The following FAT1 variants were observed in gnomAD, a reference collection of about 807,000 sequenced individuals.
The protein encoded by FAT1 is protocadherin Fat 1.
In FAT1, 171 loss-of-function variants were observed where a neutral mutation model predicts 329.8. The ratio of observed to expected loss-of-function variants is 0.52; its 90% CI spans 0.46 to 0.59. FAT1 has a LOEUF of 0.59. FAT1 is among the 20% of genes least tolerant of loss of function. FAT1 has a pLI of 0.00. For synonymous variants in FAT1, 2,233 were observed against 2,228.6 expected (o/e 1.00, Z -0.06); for missense variants, 5,672 against 5,774.4 (o/e 0.98, Z 0.57).
chr4:186,599,868 T>C (rs1738711309), intron 22 of FAT1, 30 bp downstream of exon 22: 1 of 1,551,190 alleles, frequency 6.4e-7, no homozygotes, highest in South Asian at 1.1e-5. Context: ...ACGTGCAGCA[T>C]TTTAAAGATG....
Position 186,598,101 on chromosome 4 carries a change from A to G in FAT1, c.12128T>C (p.Leu4043Ser). 6.2e-7 allele frequency: 1 copy of G among 1,611,250 alleles called. No homozygotes were observed. The highest frequency in any genetic ancestry group is 8.5e-7 in the Non-Finnish European group (1 of 1,179,294). The part of the protein sequence containing the change: ...AGGYYCKCSA[L>S]YIGTHCEISV... Reference sequence around the variant, plus strand: ...TATCTCACAGTGGGTCCCTATGTACAAGGCACTGCATTTGCAGTAATAACC... The same window carrying G: ...TATCTCACAGTGGGTCCCTATGTACGAGGCACTGCATTTGCAGTAATAACC... The change falls in exon 23 of 27, where the codon TTG becomes TCG. Residue 4043 changes from leucine to serine, a missense_variant. Physicochemically the swap from Leu to Ser is moderately radical, Grantham distance 145. This residue lies in a region of FAT1 where 1,706 missense variants were observed against 1,859.1 expected (regional missense o/e 0.92). Coordinates refer to ENST00000441802, the MANE Select transcript of FAT1 (RefSeq NM_005245.4).
chr4:186,590,419 T>TA (rs761215247), intron 26 of FAT1: 7 of 1,288,044 alleles, frequency 5.4e-6, no homozygotes, highest in Non-Finnish European at 7.1e-6. Context: ...GGTGGCAGAG[T>TA]AGAAAAAAAA....
At position 186,707,645 on chromosome 4, in the gene FAT1, T is replaced by C. The variant is rs2126690235; in HGVS notation, c.2183A>G (p.Glu728Gly). 6.2e-7 allele frequency: 1 copy of C among 1,613,986 alleles called. No homozygotes were observed. The highest frequency in any genetic ancestry group is 8.5e-7 in the Non-Finnish European group (1 of 1,179,892). Residue 728 changes from glutamate to glycine, a missense_variant, in exon 2 of 27, where the codon GAA becomes GGA. Coordinates refer to ENST00000441802, the MANE Select transcript of FAT1 (RefSeq NM_005245.4). ...STLPTGIQVK[E>G]NQPVGSSVIF... is the part of the protein sequence containing the mutation. ...TACACTGGAACCCACAGGCTGGTTT[T>C]CCTTTACCTGAATACCAGTCGGAAG...
intron 2 of FAT1, among the ~76,000 whole-genome samples, chr4:186,677,155 T>TTAAAAA (rs1235237354): frequency 6.6e-6 from 1 of 152,164 alleles, no homozygotes; most frequent in Admixed American, 6.5e-5. Flanking sequence ...TCTTTAAACT[T>TTAAAAA]TAAAAATTGC....
intron 26 of FAT1, among the ~76,000 whole-genome samples, chr4:186,593,469 T>C (rs577052517): frequency 2.8e-4 from 43 of 152,298 alleles, no homozygotes; most frequent in African/African-American, 1.0e-3. Flanking sequence ...AATATGTCAC[T>C]ATACATGGCA....
chr4:186,644,488 A>G (rs1202890569), intron 3 of FAT1, among the ~76,000 whole-genome samples: 1 of 152,034 alleles, frequency 6.6e-6, no homozygotes, highest in Non-Finnish European at 1.5e-5. Context: ...AGGTGGGCTG[A>G]GACAGCAGAC....
chr4:186,638,095 C>A (rs72716272), intron 4 of FAT1, among the ~76,000 whole-genome samples: 31,652 of 124,006 alleles, frequency 0.26, 3,934 homozygotes, highest in Non-Finnish European at 0.3. Context: ...CAGCTTTCAA[C>A]ATGTAATGGA....
chr4:186,597,852 A>G, intron 23 of FAT1, 60 bp from the exon 24 acceptor site: 1 of 1,576,754 alleles, frequency 6.3e-7, no homozygotes, highest in Non-Finnish European at 8.7e-7. Context: ...AAATACAGCA[A>G]AACAGAAAGC....
chr4:186,609,123 G>C, intron 16 of FAT1, 60 bp downstream of exon 16: 1 of 1,577,262 alleles, frequency 6.3e-7, no homozygotes, highest in South Asian at 1.2e-5. Context: ...AGAGCACAAG[G>C]CATTTCTAGT....
chr4:186,643,629 A>G (rs1234157820), intron 3 of FAT1, among the ~76,000 whole-genome samples: 3 of 152,100 alleles, frequency 2.0e-5, no homozygotes, highest in Non-Finnish European at 4.4e-5. Context: ...TGTCTTTTCG[A>G]GGTGCGCTTT....
chr4:186,642,930 G>C (rs1316516615), intron 3 of FAT1, among the ~76,000 whole-genome samples: 1 of 152,194 alleles, frequency 6.6e-6, no homozygotes, highest in Non-Finnish European at 1.5e-5. Flanking sequence ...TACTTTGGAG[G>C]AGCCTGGAAG....
chr4:186,635,945 T>G, intron 6 of FAT1, 80 bp downstream of exon 6: 1 of 1,230,970 alleles, frequency 8.1e-7, no homozygotes, highest in Non-Finnish European at 1.2e-6. Flanking sequence ...TCCTGACTTG[T>G]GCCCAAAACT....
chr4:186,709,627 C>G lies in FAT1; in HGVS notation c.201G>C (p.Ala67=), dbSNP rs761403385. 7 of 1,613,978 alleles carry G rather than the reference C, an allele frequency of 4.3e-6. No individual in the cohort carries two copies. Among genetic ancestry groups the G allele is most frequent in the East Asian group, 2.2e-5 (1 of 44,878 alleles). ...AAACAATTTTGTACCTTACTTCCCA[C>G]GCTGGATGTGTAATGTAAACACCCA... ...VKMGVYITHP[A]WEVRYKIVSG... is the part of the protein sequence containing the mutation. The change falls in exon 2 of 27, where the codon GCG becomes GCC. Residue 67 remains alanine (A), a synonymous_variant. Coordinates refer to ENST00000441802, the MANE Select transcript of FAT1 (RefSeq NM_005245.4).
At chr4:186,695,252 T>A (rs1012774177) in intron 2 of FAT1, among the ~76,000 whole-genome samples, 1 of 152,212 alleles carries the variant, frequency 6.6e-6, no homozygotes. Flanking sequence ...CAGAGGATGA[T>A]ACAGGCAATA....
At chr4:186,604,266 G>A in intron 18 of FAT1, 111 bp downstream of exon 18, 6 of 926,736 alleles carry the variant, frequency 6.5e-6, no homozygotes, top group East Asian at 2.5e-5. Flanking sequence ...GCAATTCTAT[G>A]AAAGTTTGTT....
chr4:186,603,570 C>A lies in FAT1; in HGVS notation c.10956G>T (p.Pro3652=), dbSNP rs369649020. ...GCCAGTAGTCACCAACGAATTCTTC[C>A]GGAGTGAGGTTGGCAAAGCGGATCG... The part of the protein sequence containing the change: ...TIAIRFANLT[P]EEFVGDYWRN... Residue 3652 remains proline (P), a synonymous_variant, in exon 19 of 27, where the codon CCG becomes CCT. Transcript: ENST00000441802. 6.2e-7 allele frequency: 1 copy of A among 1,613,956 alleles called. No individual in the cohort carries two copies. The highest frequency in any genetic ancestry group is 1.7e-5 in the Admixed American group (1 of 60,028).
intron 13 of FAT1, among the ~76,000 whole-genome samples, chr4:186,612,697 A>G (rs1739502637): frequency 1.3e-5 from 2 of 152,222 alleles, no homozygotes; most frequent in Non-Finnish European, 2.9e-5. Flanking sequence ...CTACAAATAT[A>G]CATTCTATAG....
chr4:186,654,691 T>A (rs1399989709), intron 3 of FAT1, among the ~76,000 whole-genome samples: 1 of 152,028 alleles, frequency 6.6e-6, no homozygotes, highest in Non-Finnish European at 1.5e-5. Flanking sequence ...GGGAGGATTG[T>A]TTGAGATCAG....
intron 1 of FAT1, among the ~76,000 whole-genome samples, chr4:186,719,644 T>A (rs1215656678): frequency 1.3e-5 from 2 of 152,210 alleles, no homozygotes; most frequent in Non-Finnish European, 2.9e-5. Flanking sequence ...ACTAATCAAC[T>A]GTGTGAATTC....
Sources: allele counts gnomAD v4.1 joint callset (sites outside exome capture counted in the v4.1 genomes callset), GRCh38; gene constraint gnomAD v4.1.1; regional missense constraint gnomAD v4.1.1; transcripts MANE v1.5; gene names NCBI Gene and HGNC (gene_info 2026-07-23, HGNC 2026-07-21).